RARB: variants seen among roughly 807,000 people sequenced by gnomAD.
RARB encodes HBV-activated protein.
A neutral mutation model predicts 51.9 loss-of-function variants in RARB; 17 were observed. The observed-to-expected ratio is 0.33, with a 90% CI of 0.22 to 0.49. RARB has a LOEUF of 0.49. Among genes scored for constraint, RARB ranks in the 20% least tolerant of loss-of-function variants. The pLI, the probability that RARB is intolerant of heterozygous loss-of-function variation, is 0.99. For missense variants in RARB, 369 were observed against 550.8 expected (o/e 0.67, Z 3.30); for synonymous variants, 215 against 195.4 (o/e 1.10, Z -0.84).
intron 2 of RARB, among the ~76,000 whole-genome samples, chr3:24,933,446 T>A (rs1695483814): frequency 1.3e-5 from 2 of 152,124 alleles, no homozygotes; most frequent in Non-Finnish European, 1.5e-5. Flanking sequence ...GAAGTCAGTT[T>A]AAATAAAATT....
intron 5 of RARB, among the ~76,000 whole-genome samples, chr3:25,407,589 G>T (rs75043279): frequency 0.094 from 14,349 of 152,044 alleles, 744 homozygotes; most frequent in Middle Eastern, 0.17. Flanking sequence ...TCTTAGTTCT[G>T]TTCTTGAAAA....
intron 3 of RARB, among the ~76,000 whole-genome samples, chr3:25,562,798 C>G (rs1213670794): frequency 2.6e-5 from 4 of 152,106 alleles, no homozygotes; most frequent in Non-Finnish European, 1.5e-5. Flanking sequence ...CCAGCCCAGA[C>G]AGAGGAGGGA....
At chr3:24,889,582 G>C (rs1194300945) in intron 2 of RARB, among the ~76,000 whole-genome samples, 1 of 151,570 alleles carries the variant, frequency 6.6e-6, no homozygotes, top group Admixed American at 6.6e-5. Flanking sequence ...ACAAACATTT[G>C]CTTGGAAAAC....
intron 5 of RARB, among the ~76,000 whole-genome samples, chr3:25,258,237 A>T (rs1006303009): frequency 6.6e-6 from 1 of 152,112 alleles, no homozygotes; most frequent in African/African-American, 2.4e-5. Context: ...TCTAAAGATG[A>T]TTTCCATATG....
intron 5 of RARB, among the ~76,000 whole-genome samples, chr3:25,281,444 G>A (rs1350990048): frequency 6.6e-6 from 1 of 152,170 alleles, no homozygotes; most frequent in Non-Finnish European, 1.5e-5. Context: ...AGCAAATTAA[G>A]GAGATTACTT....
chr3:24,953,170 T>C (rs1695937185), intron 2 of RARB, among the ~76,000 whole-genome samples: 2 of 152,146 alleles, frequency 1.3e-5, no homozygotes, highest in African/African-American at 2.4e-5. Flanking sequence ...GAAATTTGAA[T>C]GTGAAGTGGT....
rs547710427 is a variant in RARB at position 25,252,380 on chromosome 3, T to TA, written c.178+77812dup. The stretch of plus-strand genomic sequence containing the variant: ...TTTAGGATCAGCTTGTCAATTTCTG[T>TA]AAAAAAACCAGCTAGGATTTTGATA... On this transcript the variant is annotated intron_variant, in intron 5 of 11. Transcript: ENST00000383772. 1.4e-3 allele frequency among the ~76,000 whole-genome samples: 214 copies of TA among 152,258 alleles called. 1 individual carries two copies. Among genetic ancestry groups the TA allele is most frequent in the African/African-American group, 4.4e-3 (181 of 41,566 alleles).
chr3:25,448,097 T>C (rs2125538217), intron 1 of RARB, among the ~76,000 whole-genome samples: 1 of 152,086 alleles, frequency 6.6e-6, no homozygotes, highest in South Asian at 2.1e-4. Flanking sequence ...AGAGGTTAAG[T>C]AACTTTCCAA....
intron 2 of RARB, among the ~76,000 whole-genome samples, chr3:25,036,269 G>A (rs1196870275): frequency 1.3e-5 from 2 of 152,122 alleles, no homozygotes; most frequent in Non-Finnish European, 2.9e-5. Flanking sequence ...GCTGTGGACA[G>A]AACTGAGGGT....
At chr3:25,050,494 A>G (rs1310018411) in intron 2 of RARB, among the ~76,000 whole-genome samples, 2 of 152,214 alleles carry the variant, frequency 1.3e-5, no homozygotes, top group Non-Finnish European at 2.9e-5. Context: ...TTTTCGAGAA[A>G]AAGTATTATG....
chr3:25,044,317 A>C (rs1280573208), intron 2 of RARB, among the ~76,000 whole-genome samples: 1 of 152,154 alleles, frequency 6.6e-6, no homozygotes, highest in African/African-American at 2.4e-5. Context: ...CCTTGTGTCA[A>C]CTTTTTAAAA....
chr3:25,351,230 A>AGGCTTGCT (rs1375965697), intron 5 of RARB, among the ~76,000 whole-genome samples: 1 of 152,074 alleles, frequency 6.6e-6, no homozygotes, highest in Non-Finnish European at 1.5e-5. Context: ...AGGGGCGGGC[A>AGGCTTGCT]GGCTTGCTGG....
At chr3:25,372,920 G>T (rs1706347033) in intron 5 of RARB, among the ~76,000 whole-genome samples, 1 of 152,182 alleles carries the variant, frequency 6.6e-6, no homozygotes, top group Non-Finnish European at 1.5e-5. Flanking sequence ...AAAGTCACAG[G>T]ATTTACTGAT....
At chr3:25,157,808 C>G (rs997680425) in intron 4 of RARB, among the ~76,000 whole-genome samples, 2 of 152,142 alleles carry the variant, frequency 1.3e-5, no homozygotes, top group Non-Finnish European at 2.9e-5. Flanking sequence ...TACTCTTTGC[C>G]TCTAACAGAA....
intron 4 of RARB, among the ~76,000 whole-genome samples, chr3:25,171,012 C>A (rs1179444188): frequency 6.7e-6 from 1 of 149,430 alleles, no homozygotes; most frequent in African/African-American, 2.5e-5. Context: ...TTATTTTAAT[C>A]TTTTTTTTTT....
intron 5 of RARB, among the ~76,000 whole-genome samples, chr3:25,204,300 A>G (rs1701472699): frequency 6.6e-6 from 1 of 152,096 alleles, no homozygotes; most frequent in Non-Finnish European, 1.5e-5. Flanking sequence ...ACTTCTCTGC[A>G]TTGATTGTTC....
At chr3:24,964,166 C>T (rs1333282634) in intron 2 of RARB, among the ~76,000 whole-genome samples, 2 of 151,584 alleles carry the variant, frequency 1.3e-5, no homozygotes, top group Non-Finnish European at 2.9e-5. Context: ...AAGGTATAAC[C>T]AGATCTTTTT....
chr3:25,349,182 AT>A (rs1270321761), intron 5 of RARB, among the ~76,000 whole-genome samples: 1 of 152,172 alleles, frequency 6.6e-6, no homozygotes, highest in Non-Finnish European at 1.5e-5. Flanking sequence ...CTCTTTGTGA[AT>A]GCAGCTGACA....
At chr3:25,383,356 C>T (rs1706687116) in intron 5 of RARB, among the ~76,000 whole-genome samples, 1 of 152,188 alleles carries the variant, frequency 6.6e-6, no homozygotes, top group South Asian at 2.1e-4. Flanking sequence ...CATGGCTCCT[C>T]AGCAGGGAAG....
Sources: gnomAD v4.1 joint callset for allele counts (sites outside exome capture counted in the v4.1 genomes callset) on GRCh38, gnomAD v4.1.1 for gene constraint, MANE v1.5 for transcripts, NCBI Gene and HGNC (gene_info 2026-07-23, HGNC 2026-07-21) for gene names.